Variants in MICB observed in about 807,000 individuals in gnomAD.
The protein encoded by MICB is MHC class I antigen-related protein B.
MICB carries 27 observed loss-of-function variants against 34.3 expected under a neutral mutation model. The observed-to-expected ratio is 0.79, with a 90% CI of 0.58 to 1.08. The LOEUF is 1.08. Ranked by LOEUF, MICB falls within the 50% of genes least tolerant of loss-of-function variation. The pLI is 0.00. For missense variants in MICB, 426 were observed against 483.1 expected (o/e 0.88, Z 1.11); for synonymous variants, 153 against 187.4 (o/e 0.82, Z 1.50).
rs45587032 is a variant in MICB, at chr6:31,507,244, G to A, written c.836G>A (p.Arg279Lys). 6.2e-7 allele frequency: 1 copy of A among 1,613,984 alleles called. No individual in the cohort carries two copies. The highest frequency in any genetic ancestry group is 1.3e-5 in the African/African-American group (1 of 74,918). ...ATRIRQGEEQ[R>K]FTCYMEHSGN... ...AGGATTCGCCAAGGAGAGGAGCAGA[G>A]GTTCACCTGCTACATGGAACACAGC... The change falls in exon 4 of 6, where the codon AGG becomes AAG. Residue 279 changes from arginine (R) to lysine (K), a missense_variant. Physicochemically the swap from Arg to Lys is conservative, Grantham distance 26. Coordinates refer to ENST00000252229, the MANE Select transcript of MICB (RefSeq NM_005931.5). This position sits in a 1 kb window ranked among gnomAD's most constrained non-coding sequence, Gnocchi z 6.0.
Position 31,510,619 on chromosome 6 carries a change from C to A in MICB, c.*710C>A, listed in dbSNP as rs1361495393. On this transcript the variant is annotated 3_prime_UTR_variant, in exon 6 of 6. Transcript: ENST00000252229. ...GCAGTTCACTGGTGTGATCTCAGCT[C>A]ACTGCAACCTCTGCCTCCCAGGTTC... 6.6e-6 allele frequency: 1 copy of A among 151,716 alleles called. No individual in the cohort carries two copies. The highest frequency in any genetic ancestry group is 1.5e-5 in the Non-Finnish European group (1 of 67,922). The allele number at this position is 151,716 out of a possible 1,614,324, so 9.4% of individuals were successfully genotyped here.
upstream of MICB, among the ~76,000 whole-genome samples, chr6:31,497,414 C>A (rs760802788): frequency 2.0e-5 from 3 of 151,920 alleles, no homozygotes; most frequent in Non-Finnish European, 4.4e-5. Context: ...TTGTAATGAA[C>A]CATGGGGAGC....
chr6:31,499,817 G>A (rs1764924564), intron 1 of MICB, among the ~76,000 whole-genome samples: 1 of 152,080 alleles, frequency 6.6e-6, no homozygotes, highest in Non-Finnish European at 1.5e-5. Flanking sequence ...GGGACCTTGT[G>A]CTGCTCCTAT....
rs1354986808 is a variant in MICB at position 31,510,731 on chromosome 6, A to C, written c.*822A>C. 6.6e-6 allele frequency: 1 copy of C among 152,088 alleles called. No homozygotes were observed. The allele number at this position is 152,088 out of a possible 1,614,324, so 9.4% of individuals were successfully genotyped here. The stretch of plus-strand genomic sequence containing the variant: ...CAGCTAATTTTTGTATTTTTTGTAG[A>C]GACGGGGTTTCGCCAAGTTGACCAG... On this transcript the variant is annotated 3_prime_UTR_variant, in exon 6 of 6. Coordinates refer to ENST00000252229, the MANE Select transcript of MICB (RefSeq NM_005931.5).
At chr6:31,509,752 G>A (rs764430502) in intron 5 of MICB, 30 bp from the exon 6 acceptor site, 1 of 1,589,806 alleles carries the variant, frequency 6.3e-7, no homozygotes, top group East Asian at 2.3e-5. Flanking sequence ...TGCACCCAGT[G>A]GAGCATTTAC....
intron 1 of MICB, among the ~76,000 whole-genome samples, chr6:31,499,670 G>C (rs1396456901): frequency 1.3e-5 from 2 of 151,478 alleles, no homozygotes; most frequent in Non-Finnish European, 2.9e-5. Context: ...TCCAGTGCAG[G>C]TGCCTGCTCT....
At chr6:31,498,124 C>T (rs1764769409), upstream of MICB, 1 of 1,332,818 alleles carries the variant, frequency 7.5e-7, no homozygotes, top group Non-Finnish European at 1.0e-6. Context: ...TAAATTTCGA[C>T]GGGGTCTTCT....
rs762450313 is a variant in MICB, at chr6:31,507,468, GTTA to G, written c.973_975del (p.Ile325del). 3.3e-5 allele frequency: 53 copies of G among 1,613,910 alleles called. No individual in the cohort carries two copies. Among genetic ancestry groups the G allele is most frequent in the South Asian group, 4.4e-5 (4 of 91,086 alleles). ...TGTTTCTGCTGCTATGCCATGTTTTGTTATTATTATTATTCTCTGTGTCCCTTG... is the reference window on the plus strand; with the variant it reads ...TGTTTCTGCTGCTATGCCATGTTTTGTTATTATTATTCTCTGTGTCCCTTG... On this transcript the variant is annotated inframe_deletion, in exon 5 of 6. Transcript: ENST00000252229. This position sits in a 1 kb window ranked among gnomAD's most constrained non-coding sequence, Gnocchi z 6.0.
At chr6:31,500,708 C>G (rs9267388) in intron 1 of MICB, among the ~76,000 whole-genome samples, 51,437 of 151,974 alleles carry the variant, frequency 0.34, 8,847 homozygotes, top group East Asian at 0.46. Context: ...AAGTTTGTCT[C>G]TCTGGGCCTG....
chr6:31,505,957 G>A, intron 2 of MICB, 86 bp downstream of exon 2: 1 of 1,503,518 alleles, frequency 6.7e-7, no homozygotes, highest in East Asian at 2.5e-5. Context: ...CTTCCCGCTG[G>A]ATCTGGCTGG....
At chr6:31,501,535 A>G (rs1450854120) in intron 1 of MICB, among the ~76,000 whole-genome samples, 1 of 152,080 alleles carries the variant, frequency 6.6e-6, no homozygotes, top group African/African-American at 2.4e-5. Context: ...AGTTTCCCCA[A>G]TGTTTTCTTT....
chr6:31,499,927 C>T (rs1764930686), intron 1 of MICB, among the ~76,000 whole-genome samples: 1 of 151,040 alleles, frequency 6.6e-6, no homozygotes, highest in Non-Finnish European at 1.5e-5. Flanking sequence ...TTTCCCAAGC[C>T]CCACCCTCCC....
In MICB at chr6:31,498,247, C is replaced by G. The variant is rs772970923; in HGVS notation, c.54C>G (p.Pro18=). The G allele has an allele frequency of 3.2e-6, 5 of 1,577,524 alleles. No homozygotes were observed. Among genetic ancestry groups the G allele is most frequent in the South Asian group, 1.1e-5 (1 of 89,008 alleles). ...LFLAVAFPFA[P]PAAAAEPHSL... ...TGGCCGTCGCCTTCCCTTTTGCACCCCCGGCAGCCGCCGCTGGTGAGTGGG... is the reference window on the plus strand; with the variant it reads ...TGGCCGTCGCCTTCCCTTTTGCACCGCCGGCAGCCGCCGCTGGTGAGTGGG... Residue 18 remains proline, a synonymous_variant, in exon 1 of 6, where the codon CCC becomes CCG. Coordinates refer to ENST00000252229, the MANE Select transcript of MICB (RefSeq NM_005931.5).
In MICB at chr6:31,498,446, C is replaced by CTTTTTTT. The variant is rs9279321; in HGVS notation, c.70+214_70+220dup. ...AGCCCTGCTTTCCCATCTCCCGTCTCTTTTTTTTTTTTTTTTTTTTTTTTT... is the reference window on the plus strand; with the variant it reads ...AGCCCTGCTTTCCCATCTCCCGTCTCTTTTTTTTTTTTTTTTTTTTTTTTTTTTTTTT... On this transcript the variant is annotated intron_variant, in intron 1 of 5. Transcript: ENST00000252229. Among the ~76,000 whole-genome samples the CTTTTTTT allele has an allele frequency of 3.6e-4, 32 of 89,302 alleles. 1 individual carries two copies. Among genetic ancestry groups the CTTTTTTT allele is most frequent in the Non-Finnish European group, 6.2e-4 (29 of 46,946 alleles). The allele number at this position is 89,302 out of a possible 152,430, so 58.6% of individuals were successfully genotyped here.
At chr6:31,495,253 T>A (rs1320202024), upstream of MICB, among the ~76,000 whole-genome samples, 1 of 152,140 alleles carries the variant, frequency 6.6e-6, no homozygotes, top group Non-Finnish European at 1.5e-5. Flanking sequence ...TTATTATTAT[T>A]GAACTATTAA....
intron 1 of MICB, 147 bp downstream of exon 1, chr6:31,498,410 C>T (rs1039280858): frequency 3.6e-5 from 15 of 421,840 alleles, no homozygotes; most frequent in African/African-American, 3.2e-4. Flanking sequence ...CGCCTGTTCC[C>T]GCCACACCTC....
chr6:31,507,452 T>G lies in MICB; in HGVS notation c.945T>G (p.Ala315=). The G allele has an allele frequency of 6.2e-7, 1 of 1,614,200 alleles. No individual in the cohort carries two copies. The highest frequency in any genetic ancestry group is 8.5e-7 in the Non-Finnish European group (1 of 1,180,038). ...GGACAGACTTTCCATATGTTTCTGCTGCTATGCCATGTTTTGTTATTATTA... is the reference window on the plus strand; with the variant it reads ...GGACAGACTTTCCATATGTTTCTGCGGCTATGCCATGTTTTGTTATTATTA... ...SQRTDFPYVS[A]AMPCFVIIII... Residue 315 remains alanine (A), a synonymous_variant, in exon 5 of 6, where the codon GCT becomes GCG. Transcript: ENST00000252229. This position sits in a 1 kb window ranked among gnomAD's most constrained non-coding sequence, Gnocchi z 6.0.
chr6:31,501,542 C>A (rs998604498), intron 1 of MICB, among the ~76,000 whole-genome samples: 4 of 152,068 alleles, frequency 2.6e-5, no homozygotes, highest in African/African-American at 9.7e-5. Flanking sequence ...CCAATGTTTT[C>A]TTTCATAGTT....
chr6:31,498,055 C>A (rs1582859668), upstream of MICB: 1 of 254,640 alleles, frequency 3.9e-6, no homozygotes, highest in Non-Finnish European at 6.6e-6. Context: ...ATGATTGGCC[C>A]TAAGTTCCGG....
Sources: allele counts gnomAD v4.1 joint callset (sites outside exome capture counted in the v4.1 genomes callset), GRCh38; gene constraint gnomAD v4.1.1; non-coding constraint Gnocchi (gnomAD v3.1); transcripts MANE v1.5; gene names NCBI Gene and HGNC (gene_info 2026-07-23, HGNC 2026-07-21).